MAD1L1: variants seen among roughly 807,000 people sequenced by gnomAD.
MAD1L1 encodes the protein mitotic arrest deficient 1 like 1, also known as mitotic spindle assembly checkpoint protein MAD1.
Under a neutral mutation model 96.9 loss-of-function variants are expected in MAD1L1, and 95 were observed. The observed-to-expected ratio is 0.98, with a 90% CI of 0.83 to 1.16. The LOEUF (loss-of-function observed/expected upper bound fraction) is 1.16. Ranked by LOEUF, MAD1L1 falls within the 50% of genes most tolerant of loss-of-function variation. The probability of loss-of-function intolerance (pLI) is 0.00; values close to 1 mark genes in which losing one functional copy is unlikely to be tolerated. For missense variants in MAD1L1, 1,007 were observed against 954.4 expected (o/e 1.06, Z -0.73); for synonymous variants, 473 against 396.6 (o/e 1.19, Z -2.29).
chr7:2,205,527 C>T (rs181368723), intron 10 of MAD1L1, among the ~76,000 whole-genome samples: 284 of 152,310 alleles, frequency 1.9e-3, no homozygotes, highest in Non-Finnish European at 3.1e-3. Flanking sequence ...CATTGCATCC[C>T]CAACACAACC....
At chr7:2,190,675 G>A (rs895841344) in intron 10 of MAD1L1, among the ~76,000 whole-genome samples, 1 of 152,108 alleles carries the variant, frequency 6.6e-6, no homozygotes, top group Non-Finnish European at 1.5e-5. Flanking sequence ...GAAGATATAT[G>A]GCCGTCAAGT....
Position 1,936,674 on chromosome 7 carries a change from G to C in MAD1L1, c.1807+13C>G, listed in dbSNP as rs759656848. The C allele has an allele frequency of 2.1e-5, 33 of 1,544,598 alleles. No individual in the cohort carries two copies. The highest frequency in any genetic ancestry group is 5.9e-5 in the Admixed American group (3 of 51,070). On this transcript the variant is annotated intron_variant, in intron 17 of 18. Transcript: ENST00000265854. ...GTCGAGGATGGCAGGGACCGGGGGT[G>C]GGGGGTGCCTACCTGCCACCTCCTT...
chr7:1,867,030 G>A (rs933306141), intron 18 of MAD1L1, among the ~76,000 whole-genome samples: 1 of 152,226 alleles, frequency 6.6e-6, no homozygotes, highest in Non-Finnish European at 1.5e-5. Context: ...TGACCGCAGA[G>A]TGGGTCACCA....
At position 2,191,539 on chromosome 7, in the gene MAD1L1, T is replaced by C. The variant is rs190481022; in HGVS notation, c.986+21673A>G. Among the ~76,000 whole-genome samples the C allele has an allele frequency of 2.4e-3, 362 of 152,276 alleles. 2 individuals carry two copies. Among genetic ancestry groups the C allele is most frequent in the African/African-American group, 8.1e-3 (336 of 41,536 alleles). On this transcript the variant is annotated intron_variant, in intron 10 of 18. Transcript: ENST00000265854. Reference sequence around the variant, plus strand: ...TGAGCTCAGGAGTTCGAGACCAGTCTGGCCAACATGGTGAAACCCCGTCTC... The same window carrying C: ...TGAGCTCAGGAGTTCGAGACCAGTCCGGCCAACATGGTGAAACCCCGTCTC...
At chr7:1,874,442 T>G in intron 18 of MAD1L1, 1 of 440,634 alleles carries the variant, frequency 2.3e-6, no homozygotes, top group Non-Finnish European at 4.5e-6. Flanking sequence ...GCACCCGCCG[T>G]GGCCAGGGTG....
rs1253874231 is a variant in MAD1L1 at position 2,216,139 on chromosome 7, T to TC, written c.809+17dup. On this transcript the variant is annotated intron_variant, in intron 8 of 18. Transcript: ENST00000265854. ...AGACTCACTCGAGGCGGCTGCCCCA[T>TC]CCCCCGCAACCCCTCACCGCAGGTG... 3.1e-6 allele frequency: 5 copies of TC among 1,610,330 alleles called. No individual in the cohort carries two copies. The highest frequency in any genetic ancestry group is 2.7e-5 in the African/African-American group (2 of 74,828).
intron 18 of MAD1L1, among the ~76,000 whole-genome samples, chr7:1,826,904 T>A (rs1312954735): frequency 6.6e-6 from 1 of 152,210 alleles, no homozygotes; most frequent in Non-Finnish European, 1.5e-5. Context: ...CAAGAGTGAC[T>A]GGCGGGGCGG....
intron 11 of MAD1L1, among the ~76,000 whole-genome samples, chr7:2,073,713 C>T (rs1162878929): frequency 6.6e-6 from 1 of 152,212 alleles, no homozygotes; most frequent in Non-Finnish European, 1.5e-5. Flanking sequence ...AGAGGGTAGA[C>T]AGAGGCATAG....
chr7:2,232,180 G>A (rs1794226745), intron 1 of MAD1L1, among the ~76,000 whole-genome samples: 1 of 152,202 alleles, frequency 6.6e-6, no homozygotes, highest in South Asian at 2.1e-4. Flanking sequence ...AGCCAAGCGC[G>A]TTTAAAAGCC....
intron 10 of MAD1L1, among the ~76,000 whole-genome samples, chr7:2,151,625 C>T (rs549018262): frequency 5.9e-5 from 9 of 152,270 alleles, no homozygotes; most frequent in South Asian, 2.1e-4. Context: ...CCCCAAGGTA[C>T]GAACCCACCC....
chr7:2,101,686 C>A (rs1295994132), intron 11 of MAD1L1, among the ~76,000 whole-genome samples: 1 of 152,208 alleles, frequency 6.6e-6, no homozygotes, highest in African/African-American at 2.4e-5. Flanking sequence ...AGAACAAAGA[C>A]GCTTCTTCCC....
intron 11 of MAD1L1, among the ~76,000 whole-genome samples, chr7:2,080,172 T>C (rs936991103): frequency 2.0e-5 from 3 of 152,204 alleles, no homozygotes; most frequent in Non-Finnish European, 2.9e-5. Flanking sequence ...CCACCTATGG[T>C]TGTAAGGAAA....
chr7:1,910,507 C>T (rs577719525), intron 17 of MAD1L1, among the ~76,000 whole-genome samples: 61 of 152,366 alleles, frequency 4.0e-4, no homozygotes, highest in African/African-American at 1.2e-3. Flanking sequence ...AAAGCTGGAG[C>T]CCACGCTGGG....
chr7:2,178,480 A>G (rs536511388), intron 10 of MAD1L1, among the ~76,000 whole-genome samples: 1 of 152,358 alleles, frequency 6.6e-6, no homozygotes, highest in East Asian at 1.9e-4. Context: ...GGTTAAGACC[A>G]CTTGCTGGAA....
At chr7:2,018,650 T>G (rs1411527755) in intron 12 of MAD1L1, among the ~76,000 whole-genome samples, 1 of 152,214 alleles carries the variant, frequency 6.6e-6, no homozygotes, top group African/African-American at 2.4e-5. Flanking sequence ...GGCCCCTCCT[T>G]AGAGCCCCAG....
rs574325502 is a variant in MAD1L1, at chr7:2,146,543, A to C, written c.1073+2609T>G. Among the ~76,000 whole-genome samples, 15 of 152,280 alleles carry C rather than the reference A, an allele frequency of 9.9e-5. No homozygotes were observed. In the East Asian group the frequency reaches 1.7e-3, roughly 18 times the overall value. Reference sequence around the variant, plus strand: ...GCAGAGGAGAACATACGTGGTCACAAGCACGTGCCCGCTGGTCCGCACAGA... The same window carrying C: ...GCAGAGGAGAACATACGTGGTCACACGCACGTGCCCGCTGGTCCGCACAGA... On this transcript the variant is annotated intron_variant, in intron 11 of 18. Coordinates refer to ENST00000265854, the MANE Select transcript of MAD1L1 (RefSeq NM_001013836.2). This position sits in a 1 kb window ranked among gnomAD's most constrained non-coding sequence, Gnocchi z 6.2.
chr7:2,074,901 C>A (rs1412167459), intron 11 of MAD1L1, among the ~76,000 whole-genome samples: 1 of 152,122 alleles, frequency 6.6e-6, no homozygotes, highest in Non-Finnish European at 1.5e-5. Flanking sequence ...GGTGTCAGAG[C>A]CGGGGACGCT....
chr7:2,012,055 G>A (rs1394965540), intron 13 of MAD1L1, among the ~76,000 whole-genome samples: 1 of 152,198 alleles, frequency 6.6e-6, no homozygotes, highest in East Asian at 1.9e-4. Flanking sequence ...AGACAGACAG[G>A]AAGGGGAGTA....
At chr7:1,992,803 A>G (rs1489008812) in intron 14 of MAD1L1, among the ~76,000 whole-genome samples, 2 of 152,150 alleles carry the variant, frequency 1.3e-5, no homozygotes, top group African/African-American at 2.4e-5. Flanking sequence ...TGAGGATGGC[A>G]TGGGCTCTAC....
Sources: gnomAD v4.1 joint callset for allele counts (sites outside exome capture counted in the v4.1 genomes callset) on GRCh38, gnomAD v4.1.1 for gene constraint, Gnocchi (gnomAD v3.1) non-coding constraint, MANE v1.5 for transcripts, NCBI Gene and HGNC (gene_info 2026-07-23, HGNC 2026-07-21) for gene names.